KPNA5: variants seen among roughly 807,000 people sequenced by gnomAD.
The protein encoded by KPNA5 is importin subunit alpha-6.
KPNA5 carries 46 observed loss-of-function variants against 71.3 expected under a neutral mutation model. The ratio of observed to expected loss-of-function variants is 0.65; its 90% CI spans 0.51 to 0.83. The LOEUF (loss-of-function observed/expected upper bound fraction) is 0.83, where lower values mean the gene tolerates loss of function less well. Among genes scored for constraint, KPNA5 ranks in the 40% least tolerant of loss-of-function variants. The pLI is 0.00. For missense variants in KPNA5, 547 were observed against 628.3 expected, an observed-to-expected ratio of 0.87 and a Z score of 1.38; for synonymous variants, 207 against 201.4, an observed-to-expected ratio of 1.03 and a Z score of -0.24.
In KPNA5 at chr6:116,726,579, G is replaced by A. The variant is rs1779297300; in HGVS notation, c.1210G>A (p.Ala404Thr). 1 of 1,612,202 alleles carries A rather than the reference G, an allele frequency of 6.2e-7. No homozygotes were observed. Among genetic ancestry groups the A allele is most frequent in the Non-Finnish European group, 8.5e-7 (1 of 1,179,104 alleles). ...EFRTRKEAAW[A>T]ITNATSGGTP... ...TCGTACCAGAAAAGAAGCAGCTTGG[G>A]CTATAACTAATGCAACATCAGGAGG... Residue 404 changes from alanine (A) to threonine (T), a missense_variant, in exon 12 of 14, where the codon GCT (alanine) becomes ACT (threonine). Transcript: ENST00000368564.
chr6:116,712,102 T>A (rs933469925), intron 7 of KPNA5, among the ~76,000 whole-genome samples: 4 of 152,086 alleles, frequency 2.6e-5, no homozygotes, highest in Non-Finnish European at 5.9e-5. Flanking sequence ...CCACCATGCC[T>A]AGCTAATTTT....
At position 116,739,327 on chromosome 6, in the gene KPNA5, C is replaced by T. The variant is rs1230289538; in HGVS notation, c.*7004C>T. ...GACCTCTTCAAGGAGAACTACAAAC[C>T]ACTGCTCAATGAAATAAAAGAGGAT... On this transcript the variant is annotated 3_prime_UTR_variant, in exon 14 of 14. Coordinates refer to ENST00000368564, the MANE Select transcript of KPNA5 (RefSeq NM_001366306.2). 47 of 152,094 alleles carry T rather than the reference C, an allele frequency of 3.1e-4. No individual in the cohort carries two copies. The highest frequency in any genetic ancestry group is 2.2e-3 in the Admixed American group (34 of 15,266). 9.4% of individuals were successfully genotyped at this position (152,094 alleles called of 1,614,324 possible).
intron 1 of KPNA5, among the ~76,000 whole-genome samples, chr6:116,682,542 T>C (rs1015216833): frequency 6.6e-6 from 1 of 152,214 alleles, no homozygotes; most frequent in South Asian, 2.1e-4. Context: ...GGCTCTCTAG[T>C]TGGCACTTCC....
intron 6 of KPNA5, 145 bp from the exon 7 acceptor site, chr6:116,704,927 T>C: frequency 1.7e-6 from 1 of 594,660 alleles, no homozygotes; most frequent in Non-Finnish European, 2.9e-6. Context: ...AATATTAAAT[T>C]GAATTTTAAA....
chr6:116,716,219 G>T lies in KPNA5; in HGVS notation c.657G>T (p.Glu219Asp). Residue 219 changes from glutamate (E) to aspartate (D), a missense_variant and splice_region_variant, in exon 8 of 14, where the codon GAG becomes GAT. By Grantham distance (45) the Glu-to-Asp change is conservative. Transcript: ENST00000368564. ...LNCEILPPLL[E>D]LLTNSNRLTT... ...TTCTTTTTTTTCTTTTTCTTGGCAG[G>T]TTATTAACAAATTCAAACAGACTCA... The T allele has an allele frequency of 6.2e-7, 1 of 1,607,364 alleles. No individual in the cohort carries two copies. The highest frequency in any genetic ancestry group is 8.5e-7 in the Non-Finnish European group (1 of 1,177,210).
At chr6:116,711,297 GT>G (rs1778674195) in intron 7 of KPNA5, among the ~76,000 whole-genome samples, 1 of 149,084 alleles carries the variant, frequency 6.7e-6, no homozygotes, top group Admixed American at 6.7e-5. Context: ...TTTTTGTTTA[GT>G]TGATTTTCTG....
chr6:116,704,985 T>C lies in KPNA5; in HGVS notation c.568-87T>C, dbSNP rs909252879. 60 of 809,262 alleles carry C rather than the reference T, an allele frequency of 7.4e-5. 1 individual carries two copies. The South Asian group carries it at 1.1e-3, about 15-fold the overall frequency. 50.1% of individuals were successfully genotyped at this position (809,262 alleles called of 1,614,324 possible). On this transcript the variant is annotated intron_variant, in intron 6 of 13. Coordinates refer to ENST00000368564, the MANE Select transcript of KPNA5 (RefSeq NM_001366306.2). ...TTTTTAACATATCAGAAACTGTTGC[T>C]TTGTTCATTGTGTACTAAAATCTCA...
chr6:116,731,654 A>G (rs1202184111), intron 13 of KPNA5, among the ~76,000 whole-genome samples: 2 of 151,920 alleles, frequency 1.3e-5, no homozygotes, highest in African/African-American at 4.8e-5. Context: ...TTTTTATTGT[A>G]TGGGTTTGGA....
intron 6 of KPNA5, 70 bp from the exon 7 acceptor site, chr6:116,705,001 TA>T (rs1212874626): frequency 7.4e-6 from 8 of 1,083,194 alleles, no homozygotes; most frequent in Non-Finnish European, 1.1e-5. Flanking sequence ...CATTGTGTAC[TA>T]AAATCTCATT....
chr6:116,692,094 G>T lies in KPNA5; in HGVS notation c.178G>T (p.Glu60Ter). 1 of 1,612,974 alleles carries T rather than the reference G, an allele frequency of 6.2e-7. No homozygotes were observed. The highest frequency in any genetic ancestry group is 8.5e-7 in the Non-Finnish European group (1 of 1,179,276). Residue 60 changes from glutamate (E) to a stop codon, truncating the protein, a stop_gained, in exon 3 of 14, where the codon GAA becomes TAA. Coordinates refer to ENST00000368564, the MANE Select transcript of KPNA5 (RefSeq NM_001366306.2). LOFTEE classifies it high-confidence loss of function. Reference sequence around the variant, plus strand: ...AAATGTCTATTTGCCCAGAAATGATGAATCTATGCTTGAAAGTCCTATACA... The same window carrying T: ...AAATGTCTATTTGCCCAGAAATGATTAATCTATGCTTGAAAGTCCTATACA... ...RRNVYLPRND[E>*]SMLESPIQDP...
At chr6:116,686,198 G>C (rs549699690) in intron 1 of KPNA5, among the ~76,000 whole-genome samples, 1 of 152,216 alleles carries the variant, frequency 6.6e-6, no homozygotes, top group South Asian at 2.1e-4. Context: ...GATTACAGGT[G>C]TGAGCCACCA....
chr6:116,726,743 A>T (rs924801882), intron 12 of KPNA5, 121 bp downstream of exon 12: 1 of 888,060 alleles, frequency 1.1e-6, no homozygotes, highest in Non-Finnish European at 1.6e-6. Flanking sequence ...ATAATATGAA[A>T]TGACAGCATG....
At chr6:116,686,747 C>A (rs923093694) in intron 1 of KPNA5, among the ~76,000 whole-genome samples, 7 of 152,176 alleles carry the variant, frequency 4.6e-5, no homozygotes, top group Non-Finnish European at 1.5e-5. Context: ...CAATCTTCTG[C>A]ATGTAGCTAG....
rs1486734785 is a variant in KPNA5 at position 116,738,752 on chromosome 6, CAT to C, written c.*6430_*6431del. On this transcript the variant is annotated 3_prime_UTR_variant, in exon 14 of 14. Transcript: ENST00000368564. The stretch of plus-strand genomic sequence containing the variant: ...TAAACAGAACCAAAGACAAAAAACA[CAT>C]GATTATCTCAACAAATGCAGAAAAG... 6.6e-6 allele frequency: 1 copy of C among 152,186 alleles called. No homozygotes were observed. The highest frequency in any genetic ancestry group is 1.5e-5 in the Non-Finnish European group (1 of 68,046). 9.4% of individuals were successfully genotyped at this position (152,186 alleles called of 1,614,324 possible).
At chr6:116,682,737 T>A (rs771864916) in intron 1 of KPNA5, among the ~76,000 whole-genome samples, 2 of 152,164 alleles carry the variant, frequency 1.3e-5, no homozygotes, top group Non-Finnish European at 2.9e-5. Flanking sequence ...ATGAAAAAAA[T>A]TCCTCTATTC....
At chr6:116,694,343 A>G (rs1167588372) in intron 4 of KPNA5, among the ~76,000 whole-genome samples, 1 of 152,166 alleles carries the variant, frequency 6.6e-6, no homozygotes, top group East Asian at 1.9e-4. Context: ...AGCCATTTTC[A>G]TGATATTGAT....
chr6:116,720,305 G>A (rs548831649), intron 8 of KPNA5, among the ~76,000 whole-genome samples: 8 of 152,098 alleles, frequency 5.3e-5, no homozygotes, highest in East Asian at 1.9e-4. Flanking sequence ...CTTCTAAGTC[G>A]GTTACTGTTT....
chr6:116,682,502 CG>C (rs1262390591), intron 1 of KPNA5, among the ~76,000 whole-genome samples: 1 of 152,170 alleles, frequency 6.6e-6, no homozygotes, highest in East Asian at 1.9e-4. Flanking sequence ...TCTCTCCCTC[CG>C]ACCTAAGTAC....
Position 116,725,814 on chromosome 6 carries a change from A to G in KPNA5, c.1063A>G (p.Ile355Val). Reference protein sequence around the residue: ...LHLLSSPKESIRKEACWTVSN... With the variant: ...LHLLSSPKESVRKEACWTVSN... Reference sequence around the variant, plus strand: ...TTTATTGAGTAGCCCAAAGGAGTCAATTAGAAAAGAAGCCTGCTGGACTGT... The same window carrying G: ...TTTATTGAGTAGCCCAAAGGAGTCAGTTAGAAAAGAAGCCTGCTGGACTGT... The change falls in exon 11 of 14, where the codon ATT (isoleucine) becomes GTT (valine). Residue 355 changes from isoleucine to valine, a missense_variant. Transcript: ENST00000368564. The G allele has an allele frequency of 6.2e-7, 1 of 1,613,478 alleles. No homozygotes were observed. The highest frequency in any genetic ancestry group is 1.3e-5 in the African/African-American group (1 of 75,014).
Sources: gnomAD v4.1 joint callset for allele counts (sites outside exome capture counted in the v4.1 genomes callset) on GRCh38, gnomAD v4.1.1 for gene constraint, MANE v1.5 for transcripts, NCBI Gene and HGNC (gene_info 2026-07-23, HGNC 2026-07-21) for gene names.